Variants in PCDH15 observed in about 807,000 individuals in gnomAD.
PCDH15 encodes the protein protocadherin related 15.
In PCDH15, 129 loss-of-function variants were observed where a neutral mutation model predicts 178.5. The ratio of observed to expected loss-of-function variants is 0.72; its 90% confidence interval spans 0.63 to 0.84. The LOEUF is 0.84. Among genes scored for constraint, PCDH15 ranks in the 40% least tolerant of loss-of-function variants. The pLI is 0.00. For synonymous variants in PCDH15, 800 were observed against 732.0 expected, an observed-to-expected ratio of 1.09 and a Z score of -1.50; for missense variants, 2,230 against 2,099.9, an observed-to-expected ratio of 1.06 and a Z score of -1.21.
At position 53,938,883 on chromosome 10, in the gene PCDH15, C is replaced by T. The variant is rs1479740196; in HGVS notation, c.3305G>A (p.Ser1102Asn). ...ATCAGCTTGGACTCGAAGTACATAG[C>T]TTGTCCTGGTCTCATAATCCAGAGG... ...NGPLDYETRT[S>N]YVLRVQADSL... The change falls in exon 25 of 38, where the codon AGC becomes AAC. Residue 1102 changes from serine (S) to asparagine (N), a missense_variant. By Grantham distance (46) the Ser-to-Asn change is conservative (BLOSUM62 1). Coordinates refer to ENST00000644397, the MANE Select transcript of PCDH15 (RefSeq NM_001384140.1). 6.2e-7 allele frequency: 1 copy of T among 1,613,594 alleles called. No homozygotes were observed.
chr10:55,293,602 A>G lies in PCDH15; in HGVS notation c.-156+25997T>C, dbSNP rs752058680. Among the ~76,000 whole-genome samples the G allele has an allele frequency of 1.3e-5, 2 of 152,188 alleles. 1 individual carries two copies. Among genetic ancestry groups the G allele is most frequent in the Non-Finnish European group, 2.9e-5 (2 of 68,032 alleles). ...ACTTTGCTGCTTAGAAATTTCTTCA[A>G]CCAGATACCCTAAATCATCTCTCTC... On this transcript the variant is annotated intron_variant, in intron 1 of 5. Coordinates refer to the PCDH15 transcript ENST00000458638.
intron 2 of PCDH15, among the ~76,000 whole-genome samples, chr10:54,929,967 A>G (rs1837728390): frequency 6.6e-6 from 1 of 152,196 alleles, no homozygotes; most frequent in Non-Finnish European, 1.5e-5. Context: ...TTTAATGAGA[A>G]GTAGTCCCCA....
intron 2 of PCDH15, among the ~76,000 whole-genome samples, chr10:54,615,709 CA>C (rs1297013492): frequency 0.068 from 1,107 of 16,270 alleles, 20 homozygotes; most frequent in African/African-American, 0.11. Context: ...ATACAAATAA[CA>C]ACGTGTGAAG....
intron 2 of PCDH15, among the ~76,000 whole-genome samples, chr10:55,144,760 G>C (rs1188651331): frequency 2.6e-5 from 4 of 151,818 alleles, no homozygotes; most frequent in Admixed American, 1.3e-4. Flanking sequence ...AAACAAACAG[G>C]GTTATATAAT....
At chr10:54,040,340 G>A (rs1037274694) in intron 18 of PCDH15, among the ~76,000 whole-genome samples, 1 of 151,858 alleles carries the variant, frequency 6.6e-6, no homozygotes, top group Middle Eastern at 3.4e-3. Flanking sequence ...CATGAGGTCT[G>A]GTCTGATGGT....
Position 54,421,893 on chromosome 10 carries a change from CACTA to C in PCDH15, c.158-42955_158-42952del, listed in dbSNP as rs1387940368. 7.0e-4 allele frequency among the ~76,000 whole-genome samples: 54 copies of C among 77,146 alleles called. 2 individuals carry two copies. Among genetic ancestry groups the C allele is most frequent in the African/African-American group, 1.9e-3 (27 of 14,216 alleles). 50.6% of individuals were successfully genotyped at this position (77,146 alleles called of 152,430 possible). On this transcript the variant is annotated intron_variant, in intron 3 of 37. Coordinates refer to ENST00000644397, the MANE Select transcript of PCDH15 (RefSeq NM_001384140.1). ...CACTATATATATATATACACACACA[CACTA>C]TATATATATATACACTATATATATA...
chr10:55,091,793 A>G (rs768007908), intron 2 of PCDH15, among the ~76,000 whole-genome samples: 5 of 151,894 alleles, frequency 3.3e-5, no homozygotes, highest in Non-Finnish European at 5.9e-5. Context: ...ACTCTCATTT[A>G]TTACCTAACT....
At chr10:54,709,073 T>C (rs1369029060) in intron 1 of PCDH15, among the ~76,000 whole-genome samples, 1 of 152,106 alleles carries the variant, frequency 6.6e-6, no homozygotes, top group Non-Finnish European at 1.5e-5. Flanking sequence ...GATATTTGCT[T>C]TAAATTCTTA....
intron 2 of PCDH15, chr10:54,606,745 G>A (rs982658591): frequency 6.6e-6 from 1 of 152,026 alleles, no homozygotes; most frequent in Non-Finnish European, 1.5e-5. Flanking sequence ...TAAAAGATAA[G>A]AAGTCAAGCT....
chr10:53,917,424 T>G (rs2083616958), intron 25 of PCDH15, among the ~76,000 whole-genome samples: 1 of 152,104 alleles, frequency 6.6e-6, no homozygotes, highest in East Asian at 1.9e-4. Flanking sequence ...ATGCTTTGTT[T>G]AAATAAAAAA....
intron 1 of PCDH15, among the ~76,000 whole-genome samples, chr10:54,708,285 T>G (rs10763129): frequency 0.57 from 86,807 of 151,944 alleles, 26,321 homozygotes; most frequent in Middle Eastern, 0.72. Context: ...ACATTGCGGA[T>G]GGTGAATTTC....
At chr10:55,376,430 A>G (rs1195657916) in intron 2 of PCDH15, among the ~76,000 whole-genome samples, 1 of 152,026 alleles carries the variant, frequency 6.6e-6, no homozygotes, top group East Asian at 1.9e-4. Context: ...TTTGGCTTCT[A>G]TTTAAGCTTA....
intron 14 of PCDH15, among the ~76,000 whole-genome samples, chr10:54,134,893 A>T (rs1232225439): frequency 6.6e-6 from 1 of 152,054 alleles, no homozygotes. Flanking sequence ...AATAGTAAGC[A>T]TAAAAGCTAC....
chr10:55,245,471 T>C (rs1194609440), intron 1 of PCDH15, among the ~76,000 whole-genome samples: 1 of 152,212 alleles, frequency 6.6e-6, no homozygotes, highest in African/African-American at 2.4e-5. Context: ...TATGCTTATT[T>C]CCATATTTTT....
At chr10:54,211,543 G>GA (rs754172497) in intron 10 of PCDH15, among the ~76,000 whole-genome samples, 14 of 151,976 alleles carry the variant, frequency 9.2e-5, no homozygotes, top group South Asian at 2.1e-4. Flanking sequence ...GAGAAAAAGA[G>GA]AAAAAAATGA....
intron 8 of PCDH15, among the ~76,000 whole-genome samples, chr10:54,311,361 T>G (rs1037424738): frequency 6.6e-6 from 1 of 152,028 alleles, no homozygotes; most frequent in South Asian, 2.1e-4. Context: ...AACACATAAA[T>G]GTATGCTACT....
intron 8 of PCDH15, among the ~76,000 whole-genome samples, chr10:54,267,172 GA>G (rs1406702148): frequency 4.2e-5 from 6 of 144,392 alleles, no homozygotes; most frequent in African/African-American, 1.0e-4. Flanking sequence ...AATTAAAAAT[GA>G]AAAAAATAAG....
intron 20 of PCDH15, among the ~76,000 whole-genome samples, chr10:54,001,629 T>TA: frequency 6.6e-6 from 1 of 151,992 alleles, no homozygotes; most frequent in East Asian, 1.9e-4. Flanking sequence ...TACCTTCACT[T>TA]AAAGGAAGAC....
At chr10:53,905,429 G>A (rs1474855094) in intron 25 of PCDH15, among the ~76,000 whole-genome samples, 1 of 152,152 alleles carries the variant, frequency 6.6e-6, no homozygotes, top group Non-Finnish European at 1.5e-5. Context: ...CACCTCCCGA[G>A]TTCATGCCAT....
Sources: gnomAD v4.1 joint callset for allele counts (sites outside exome capture counted in the v4.1 genomes callset) on GRCh38, gnomAD v4.1.1 for gene constraint, MANE v1.5 for transcripts, NCBI Gene and HGNC (gene_info 2026-07-23, HGNC 2026-07-21) for gene names.